SATB2: variants seen among roughly 807,000 people sequenced by gnomAD.
SATB2 encodes SATB homeobox 2.
Under a neutral mutation model 73.4 loss-of-function variants are expected in SATB2, and 1 was observed. The ratio of observed to expected loss-of-function variants is 0.01; its 90% confidence interval spans 0.00 to 0.06. The LOEUF (loss-of-function observed/expected upper bound fraction) is 0.06, where lower values mean the gene tolerates loss of function less well. Among genes scored for constraint, SATB2 ranks in the 10% least tolerant of loss-of-function variants. The pLI, the probability that SATB2 is intolerant of heterozygous loss-of-function variation, is 1.00. For synonymous variants in SATB2, 397 were observed against 367.0 expected, an observed-to-expected ratio of 1.08 and a Z score of -0.93; for missense variants, 459 against 945.8, an observed-to-expected ratio of 0.49 and a Z score of 6.75.
chr2:199,456,031 G>T lies in SATB2; in HGVS notation c.7C>A (p.Arg3=). The T allele has an allele frequency of 2.0e-6, 3 of 1,530,438 alleles. No individual in the cohort carries two copies. Among genetic ancestry groups the T allele is most frequent in the Non-Finnish European group, 2.6e-6 (3 of 1,144,528 alleles). The allele number at this position is 1,530,438 out of a possible 1,614,324, so 94.8% of individuals were successfully genotyped here. ME[R]RSESPCLRDS... ...CGCAGACACGGGCTCTCGCTCCGCC[G>T]CTCCATGCTGCTCCGACTCGGAGAC... The change falls in exon 2 of 11, where the codon CGG becomes AGG. Residue 3 remains arginine (R), a synonymous_variant. Coordinates refer to ENST00000417098, the MANE Select transcript of SATB2 (RefSeq NM_001172509.2).
intron 3 of SATB2, chr2:199,396,673 A>G (rs1009438110): frequency 1.3e-5 from 2 of 152,084 alleles, no homozygotes; most frequent in African/African-American, 4.8e-5. Flanking sequence ...CTTTAATGTA[A>G]CCTGACCCAC....
intron 10 of SATB2, among the ~76,000 whole-genome samples, chr2:199,295,314 A>C (rs1451991272): frequency 6.6e-6 from 1 of 152,134 alleles, no homozygotes; most frequent in Non-Finnish European, 1.5e-5. Flanking sequence ...AGTTTTGTTT[A>C]TAAAAAATAA....
At chr2:199,301,922 A>G (rs1363009040) in intron 10 of SATB2, among the ~76,000 whole-genome samples, 1 of 152,112 alleles carries the variant, frequency 6.6e-6, no homozygotes, top group Non-Finnish European at 1.5e-5. Flanking sequence ...GAATCCATAA[A>G]TGGCAGCTGC....
At chr2:199,458,501 C>A, upstream of SATB2, 1 of 378,258 alleles carries the variant, frequency 2.6e-6, no homozygotes. Flanking sequence ...CGTCTGGGCG[C>A]AGGCGGGCAC....
chr2:199,304,525 T>G (rs1687376779), intron 10 of SATB2, among the ~76,000 whole-genome samples: 1 of 152,130 alleles, frequency 6.6e-6, no homozygotes, highest in Admixed American at 6.5e-5. Context: ...CCCCTCTTTA[T>G]GAAATTTTAA....
chr2:199,377,074 T>A (rs1008399400), intron 5 of SATB2, among the ~76,000 whole-genome samples: 2 of 152,156 alleles, frequency 1.3e-5, no homozygotes, highest in African/African-American at 4.8e-5. Flanking sequence ...TATGCCATTT[T>A]AAAAATATTT....
chr2:199,385,600 A>G (rs1222926333), intron 3 of SATB2, among the ~76,000 whole-genome samples: 5 of 152,142 alleles, frequency 3.3e-5, no homozygotes, highest in African/African-American at 4.8e-5. Flanking sequence ...GGAAATGGAG[A>G]TTCAGAAGGG....
At chr2:199,370,472 T>G (rs1689410473) in intron 5 of SATB2, among the ~76,000 whole-genome samples, 1 of 152,176 alleles carries the variant, frequency 6.6e-6, no homozygotes, top group Admixed American at 6.5e-5. Context: ...CTATCTTATT[T>G]GTATGAATTT....
intron 10 of SATB2, among the ~76,000 whole-genome samples, chr2:199,281,260 A>ATGTG (rs1338096142): frequency 6.4e-4 from 16 of 24,914 alleles, no homozygotes; most frequent in African/African-American, 8.2e-4. Flanking sequence ...GTGTGTATGT[A>ATGTG]TGTATGTGTG....
At chr2:199,397,898 T>G (rs1690349663) in intron 3 of SATB2, 1 of 284,442 alleles carries the variant, frequency 3.5e-6, no homozygotes, top group Non-Finnish European at 7.2e-6. Flanking sequence ...CAGAAAGATA[T>G]TTGAAAGACA....
At chr2:199,288,708 T>C (rs555029058) in intron 10 of SATB2, among the ~76,000 whole-genome samples, 1 of 152,116 alleles carries the variant, frequency 6.6e-6, no homozygotes, top group Non-Finnish European at 1.5e-5. Context: ...AAAGTACAAA[T>C]ATTCCTTTTA....
intron 7 of SATB2, among the ~76,000 whole-genome samples, chr2:199,346,502 A>C (rs748984353): frequency 2.6e-4 from 39 of 152,202 alleles, no homozygotes; most frequent in Admixed American, 5.9e-4. Flanking sequence ...AAAACTAATA[A>C]AAATTTAAAT....
chr2:199,376,869 T>C (rs1450857845), intron 5 of SATB2, among the ~76,000 whole-genome samples: 1 of 151,998 alleles, frequency 6.6e-6, no homozygotes, highest in Non-Finnish European at 1.5e-5. Context: ...TTTCATCAAG[T>C]AGAAAAGAAT....
At chr2:199,467,590 T>A (rs559241879), upstream of SATB2, 4 of 152,328 alleles carry the variant, frequency 2.6e-5, no homozygotes, top group Admixed American at 1.3e-4. Context: ...CTCCCTGTAG[T>A]CGGCAGGAAT....
At chr2:199,466,303 G>A (rs575964878), upstream of SATB2, among the ~76,000 whole-genome samples, 1 of 152,330 alleles carries the variant, frequency 6.6e-6, no homozygotes. Flanking sequence ...CTTAGGGACA[G>A]CAGAATCTGA....
intron 9 of SATB2, 29 bp downstream of exon 9, chr2:199,323,774 T>C (rs1339756578): frequency 6.2e-7 from 1 of 1,611,510 alleles, no homozygotes; most frequent in South Asian, 1.1e-5. Context: ...ATTCCAGCCC[T>C]CGATTTTGCT....
intron 3 of SATB2, among the ~76,000 whole-genome samples, chr2:199,420,418 GA>G (rs1304452588): frequency 6.6e-6 from 1 of 151,920 alleles, no homozygotes; most frequent in Admixed American, 6.6e-5. Flanking sequence ...TAGGAGATGA[GA>G]AAAAAACATC....
upstream of SATB2, chr2:199,458,729 A>T (rs114693875): frequency 2.3e-6 from 1 of 427,408 alleles, no homozygotes; most frequent in Non-Finnish European, 4.7e-6. Context: ...TCGACTTTGG[A>T]GATAGGAGGG....
intron 9 of SATB2, among the ~76,000 whole-genome samples, chr2:199,315,106 A>G (rs1308793157): frequency 6.6e-6 from 1 of 152,048 alleles, no homozygotes; most frequent in Non-Finnish European, 1.5e-5. Context: ...CATATATCAT[A>G]AAGAACCACA....
Sources: allele counts gnomAD v4.1 joint callset (sites outside exome capture counted in the v4.1 genomes callset), GRCh38; gene constraint gnomAD v4.1.1; transcripts MANE v1.5; gene names NCBI Gene and HGNC (gene_info 2026-07-23, HGNC 2026-07-21).